Variants in LRRIQ1 observed in about 807,000 individuals in gnomAD.
LRRIQ1 encodes the protein leucine-rich repeat- and IQ domain-containing protein 1.
Under a neutral mutation model 211.9 loss-of-function variants are expected in LRRIQ1, and 210 were observed. The observed-to-expected ratio is 0.99, with a 90% CI of 0.89 to 1.11. LRRIQ1 has a LOEUF of 1.11. Ranked by LOEUF, LRRIQ1 falls within the 50% of genes most tolerant of loss-of-function variation. The pLI is 0.00. For missense variants in LRRIQ1, 2,136 were observed against 1,939.5 expected (o/e 1.10, Z -1.90); for synonymous variants, 699 against 650.1 (o/e 1.08, Z -1.14).
intron 24 of LRRIQ1, among the ~76,000 whole-genome samples, chr12:85,226,617 G>C (rs1345230746): frequency 1.4e-5 from 2 of 147,170 alleles, no homozygotes; most frequent in Non-Finnish European, 3.0e-5. Context: ...TGCCATGTTG[G>C]TGTGCTGCAC....
chr12:85,150,028 T>A (rs533374694), intron 19 of LRRIQ1, among the ~76,000 whole-genome samples: 1 of 151,924 alleles, frequency 6.6e-6, no homozygotes, highest in South Asian at 2.1e-4. Flanking sequence ...CTTTGTGGGA[T>A]CTTGTCCTGC....
chr12:85,105,658 T>G (rs1300162976), intron 14 of LRRIQ1, among the ~76,000 whole-genome samples: 1 of 152,104 alleles, frequency 6.6e-6, no homozygotes, highest in Admixed American at 6.6e-5. Context: ...AGGGTGTTGT[T>G]GTCTTCCTTT....
At chr12:85,058,734 T>G (rs1881429246) in intron 8 of LRRIQ1, among the ~76,000 whole-genome samples, 1 of 152,068 alleles carries the variant, frequency 6.6e-6, no homozygotes, top group Non-Finnish European at 1.5e-5. Context: ...TATTAAAATC[T>G]ATAGAATACC....
chr12:85,262,304 T>G (rs1896323203), intron 1 of LRRIQ1, among the ~76,000 whole-genome samples: 1 of 152,090 alleles, frequency 6.6e-6, no homozygotes, highest in African/African-American at 2.4e-5. Context: ...AAGGCAGTCT[T>G]CACAATAATC....
In LRRIQ1 at chr12:85,137,865, T is replaced by G. The variant is rs751062255; in HGVS notation, c.4225T>G (p.Phe1409Val). The G allele has an allele frequency of 1.6e-5, 26 of 1,595,618 alleles. No individual in the cohort carries two copies. In the South Asian group the frequency reaches 3.0e-4, roughly 18 times the overall value. ...TTTTGTTTAGGCAGTTTGGAAGGGC[T>G]TTATTTTGCGAAAGAAACTGACAAC... ...AILIQAVWKG[F>V]ILRKKLTTAL... The change falls in exon 19 of 27, where the codon TTT becomes GTT. Residue 1409 changes from phenylalanine to valine, a missense_variant. Phe to Val is a conservative substitution (Grantham distance 50). Transcript: ENST00000393217.
intron 15 of LRRIQ1, among the ~76,000 whole-genome samples, chr12:85,113,151 A>G (rs1444402117): frequency 1.3e-5 from 2 of 152,200 alleles, no homozygotes; most frequent in Admixed American, 6.5e-5. Context: ...GTTGAATACA[A>G]GAACAGAATT....
At chr12:85,137,788 A>C in intron 18 of LRRIQ1, 62 bp from the exon 19 acceptor site, 1 of 1,398,836 alleles carries the variant, frequency 7.1e-7, no homozygotes, top group Non-Finnish European at 9.6e-7. Flanking sequence ...GGGATAACAC[A>C]GATAATCTGG....
intron 24 of LRRIQ1, among the ~76,000 whole-genome samples, chr12:85,228,984 T>C (rs533863980): frequency 6.6e-6 from 1 of 152,166 alleles, no homozygotes; most frequent in Non-Finnish European, 1.5e-5. Context: ...ATCAAGTCCA[T>C]GGAGGAAGGC....
chr12:85,105,708 A>T (rs1886727730), intron 14 of LRRIQ1, among the ~76,000 whole-genome samples: 1 of 151,598 alleles, frequency 6.6e-6, no homozygotes, highest in Non-Finnish European at 1.5e-5. Context: ...AGTCAAATTA[A>T]TTATGAATAA....
At chr12:85,153,819 C>A in intron 22 of LRRIQ1, 61 bp downstream of exon 22, 1 of 1,123,086 alleles carries the variant, frequency 8.9e-7, no homozygotes, top group Non-Finnish European at 1.3e-6. Flanking sequence ...AAGTCCAAGA[C>A]AGATACTTTT....
At chr12:85,175,087 C>T (rs1389826722) in intron 24 of LRRIQ1, among the ~76,000 whole-genome samples, 1 of 152,046 alleles carries the variant, frequency 6.6e-6, no homozygotes, top group Non-Finnish European at 1.5e-5. Flanking sequence ...ATTATATGAA[C>T]AGGGAAACTA....
At position 85,056,731 on chromosome 12, in the gene LRRIQ1, A is replaced by G. The variant is rs765505052; in HGVS notation, c.1938A>G (p.Pro646=). ...AATCCAAAGAAATTGAGGAGAACCC[A>G]AAAGACAATGCTTGGAATAGTGGCA... ...YSKSKEIEEN[P]KDNAWNSGIV... is the part of the protein sequence containing the mutation. Residue 646 remains proline (P), a synonymous_variant, in exon 8 of 27, where the codon CCA becomes CCG. Transcript: ENST00000393217. 3.1e-6 allele frequency: 5 copies of G among 1,607,448 alleles called. No individual in the cohort carries two copies. Among genetic ancestry groups the G allele is most frequent in the Admixed American group, 3.4e-5 (2 of 58,606 alleles).
At chr12:85,046,231 A>G in intron 5 of LRRIQ1, 94 bp downstream of exon 5, 1 of 689,120 alleles carries the variant, frequency 1.5e-6, no homozygotes, top group Non-Finnish European at 2.5e-6. Flanking sequence ...TTGTTCTGAT[A>G]TTTAGAAAAG....
rs377703986 is a variant in LRRIQ1 at position 85,124,417 on chromosome 12, G to A, written c.3905G>A (p.Ser1302Asn). 72 of 1,613,904 alleles carry A rather than the reference G, an allele frequency of 4.5e-5. 1 individual carries two copies. The highest frequency in any genetic ancestry group is 2.9e-4 in the East Asian group (13 of 44,892). ...TTAGTATGTCAGAAGAGAGAAGACA[G>A]CAAGGCAAGCAGTATTCCCACCATA... ...EILVCQKRED[S>N]KASSIPTIRI... is the part of the protein sequence containing the mutation. The change falls in exon 17 of 27, where the codon AGC becomes AAC. Residue 1302 changes from serine to asparagine, a missense_variant. Ser to Asn is a conservative substitution (Grantham distance 46). Coordinates refer to ENST00000393217, the MANE Select transcript of LRRIQ1 (RefSeq NM_001079910.2).
intron 23 of LRRIQ1, among the ~76,000 whole-genome samples, chr12:85,154,880 G>A (rs1178899383): frequency 6.6e-6 from 1 of 151,048 alleles, no homozygotes; most frequent in Non-Finnish European, 1.5e-5. Flanking sequence ...TTACTCATGA[G>A]CAGTGCAATA....
intron 24 of LRRIQ1, among the ~76,000 whole-genome samples, chr12:85,224,302 T>C (rs1455238873): frequency 6.6e-6 from 1 of 151,696 alleles, no homozygotes. Flanking sequence ...TTGGTGGGAG[T>C]GTAAATTAGT....
intron 1 of LRRIQ1, among the ~76,000 whole-genome samples, chr12:85,256,482 A>C (rs1896097760): frequency 6.6e-6 from 1 of 151,704 alleles, no homozygotes; most frequent in Non-Finnish European, 1.5e-5. Context: ...CTGGAGTGAA[A>C]TAACATAATA....
rs373572667 is a variant in LRRIQ1, at chr12:85,229,640, A to G, written c.4946A>G (p.Asn1649Ser). 6.8e-6 allele frequency: 11 copies of G among 1,611,084 alleles called. No homozygotes were observed. The African/African-American group carries it at 1.2e-4, about 18-fold the overall frequency. ...GTTCATGAAACGACTAGTTCCAGAA[A>G]TATGAAATGGTGAGGTCATTTCCTC... ...VGVHETTSSR[N>S]MKCNHFLPEL... The change falls in exon 25 of 27, where the codon AAT becomes AGT. Residue 1649 changes from asparagine to serine, a missense_variant. Physicochemically the swap from Asn to Ser is conservative, Grantham distance 46. Transcript: ENST00000393217.
chr12:85,257,951 G>A (rs1051479912), intron 1 of LRRIQ1, among the ~76,000 whole-genome samples: 4 of 151,386 alleles, frequency 2.6e-5, no homozygotes. Flanking sequence ...ATAAAACCTG[G>A]GAAAACAGTG....
Sources: allele counts gnomAD v4.1 joint callset (sites outside exome capture counted in the v4.1 genomes callset), GRCh38; gene constraint gnomAD v4.1.1; transcripts MANE v1.5; gene names NCBI Gene and HGNC (gene_info 2026-07-23, HGNC 2026-07-21).